SKAP1: variants seen among roughly 807,000 people sequenced by gnomAD.
SKAP1 encodes src kinase associated phosphoprotein 1.
SKAP1 carries 44 observed loss-of-function variants against 58.5 expected under a neutral mutation model. That is an observed-to-expected ratio of 0.75 (90% CI 0.59 to 0.97). The LOEUF is 0.97. SKAP1 is among the 50% of genes least tolerant of loss of function. The pLI is 0.00. For missense variants in SKAP1, 390 were observed against 435.2 expected (o/e 0.90, Z 0.92); for synonymous variants, 127 against 149.7 (o/e 0.85, Z 1.11).
At chr17:48,171,383 G>A (rs1030033964) in intron 9 of SKAP1, among the ~76,000 whole-genome samples, 1 of 152,050 alleles carries the variant, frequency 6.6e-6, no homozygotes, top group Non-Finnish European at 1.5e-5. Context: ...TGGGATTACA[G>A]GCGTGAGCCA....
chr17:48,398,929 G>A (rs1480024333), intron 1 of SKAP1, among the ~76,000 whole-genome samples: 1 of 152,158 alleles, frequency 6.6e-6, no homozygotes, highest in African/African-American at 2.4e-5. Flanking sequence ...GCTGAGGCAG[G>A]AGAATCACTT....
intron 2 of SKAP1, among the ~76,000 whole-genome samples, chr17:48,376,010 G>A (rs1159884047): frequency 6.6e-6 from 1 of 152,148 alleles, no homozygotes; most frequent in Non-Finnish European, 1.5e-5. Context: ...TTCCAAACTT[G>A]TGTATTGGAG....
intron 4 of SKAP1, among the ~76,000 whole-genome samples, chr17:48,252,748 GTGTGTGTA>G (rs200362721): frequency 0.077 from 10,856 of 141,852 alleles, 479 homozygotes; most frequent in East Asian, 0.15. Flanking sequence ...GTGTGTGTGT[GTGTGTGTA>G]TGTGCTCATG....
intron 4 of SKAP1, among the ~76,000 whole-genome samples, chr17:48,253,171 A>T (rs967676337): frequency 7.9e-5 from 12 of 152,146 alleles, no homozygotes; most frequent in African/African-American, 2.7e-4. Context: ...GGAGATTTGC[A>T]AGGTGGGAGT....
At chr17:48,355,695 C>A (rs1211724239) in intron 3 of SKAP1, among the ~76,000 whole-genome samples, 1 of 152,120 alleles carries the variant, frequency 6.6e-6, no homozygotes, top group Admixed American at 6.5e-5. Context: ...GGCATGGTGG[C>A]ACATGCCTGT....
intron 4 of SKAP1, among the ~76,000 whole-genome samples, chr17:48,290,890 C>T (rs1448711398): frequency 6.6e-6 from 1 of 152,168 alleles, no homozygotes; most frequent in Non-Finnish European, 1.5e-5. Flanking sequence ...CCTGTAATCT[C>T]AACACTTTGG....
chr17:48,373,100 A>T (rs1027312023), intron 2 of SKAP1, among the ~76,000 whole-genome samples: 6 of 152,214 alleles, frequency 3.9e-5, no homozygotes, highest in African/African-American at 1.4e-4. Context: ...TAAAGATACT[A>T]CCTGAGACTG....
intron 4 of SKAP1, chr17:48,294,272 C>T (rs2065935691): frequency 6.6e-6 from 1 of 152,172 alleles, no homozygotes; most frequent in Non-Finnish European, 1.5e-5. Context: ...GATCTCTCTG[C>T]TATTAGTCTG....
At chr17:48,280,083 T>C (rs2065747930) in intron 4 of SKAP1, among the ~76,000 whole-genome samples, 1 of 152,190 alleles carries the variant, frequency 6.6e-6, no homozygotes, top group African/African-American at 2.4e-5. Flanking sequence ...AATAAGCTTG[T>C]TTATGGAAAC....
intron 2 of SKAP1, among the ~76,000 whole-genome samples, chr17:48,366,164 G>A (rs1339475706): frequency 6.6e-6 from 1 of 152,150 alleles, no homozygotes; most frequent in African/African-American, 2.4e-5. Flanking sequence ...TCAGCCCAGT[G>A]AGTATATTGG....
At chr17:48,254,091 A>G (rs2065396865) in intron 4 of SKAP1, among the ~76,000 whole-genome samples, 1 of 152,208 alleles carries the variant, frequency 6.6e-6, no homozygotes, top group South Asian at 2.1e-4. Context: ...AACCTGCAAT[A>G]GCAATTATTG....
At chr17:48,208,335 C>T (rs1280099533) in intron 4 of SKAP1, among the ~76,000 whole-genome samples, 5 of 152,094 alleles carry the variant, frequency 3.3e-5, no homozygotes, top group South Asian at 2.1e-4. Flanking sequence ...CTGTGAGCAC[C>T]GGGGAAAGGG....
chr17:48,358,906 T>A (rs1191173485), intron 3 of SKAP1, among the ~76,000 whole-genome samples: 3 of 152,166 alleles, frequency 2.0e-5, no homozygotes, highest in African/African-American at 7.2e-5. Context: ...TAACAAAGTT[T>A]CTAAGTAGAG....
intron 1 of SKAP1, among the ~76,000 whole-genome samples, chr17:48,411,370 G>A (rs2067663081): frequency 1.3e-5 from 2 of 151,378 alleles, no homozygotes; most frequent in African/African-American, 4.8e-5. Context: ...CTGCACACCA[G>A]CCTGGGTGGT....
At chr17:48,407,344 G>A (rs1473833503) in intron 1 of SKAP1, among the ~76,000 whole-genome samples, 1 of 152,168 alleles carries the variant, frequency 6.6e-6, no homozygotes, top group Non-Finnish European at 1.5e-5. Flanking sequence ...AAAGATAAAA[G>A]CAGAAATTAG....
At chr17:48,164,431 C>T (rs898254080) in intron 10 of SKAP1, among the ~76,000 whole-genome samples, 27 of 152,092 alleles carry the variant, frequency 1.8e-4, no homozygotes, top group Admixed American at 1.3e-4. Flanking sequence ...CTTTGGAGTA[C>T]GGTTCCCTAC....
chr17:48,216,281 T>C (rs2064937813), intron 4 of SKAP1, among the ~76,000 whole-genome samples: 1 of 152,182 alleles, frequency 6.6e-6, no homozygotes, highest in Non-Finnish European at 1.5e-5. Context: ...GTTTGAGTTA[T>C]AGAAGCAATA....
intron 4 of SKAP1, among the ~76,000 whole-genome samples, chr17:48,266,513 C>CTTTT (rs67981214): frequency 2.9e-5 from 4 of 138,530 alleles, no homozygotes; most frequent in Non-Finnish European, 4.7e-5. Flanking sequence ...TTCTTACTTT[C>CTTTT]TTTTTTTTTT....
intron 4 of SKAP1, among the ~76,000 whole-genome samples, chr17:48,194,435 A>T (rs1049694090): frequency 6.6e-6 from 1 of 152,178 alleles, no homozygotes; most frequent in Non-Finnish European, 1.5e-5. Flanking sequence ...CATTTCCATA[A>T]AGCAGTCAAT....
Sources: allele counts gnomAD v4.1 joint callset (sites outside exome capture counted in the v4.1 genomes callset), GRCh38; gene constraint gnomAD v4.1.1; transcripts MANE v1.5; gene names NCBI Gene and HGNC (gene_info 2026-07-23, HGNC 2026-07-21).